The following CHADL variants were observed in gnomAD, a reference collection of about 807,000 sequenced individuals.
CHADL encodes chondroadherin-like protein.
Under a neutral mutation model 52.1 loss-of-function variants are expected in CHADL, and 48 were observed. The observed-to-expected ratio is 0.92, with a 90% CI of 0.73 to 1.17. The LOEUF (loss-of-function observed/expected upper bound fraction) is 1.17. Ranked by LOEUF, CHADL falls within the 50% of genes most tolerant of loss-of-function variation. The probability of loss-of-function intolerance (pLI) is 0.00; values close to 1 mark genes in which losing one functional copy is unlikely to be tolerated. For missense variants in CHADL, 977 were observed against 1,035.1 expected, an observed-to-expected ratio of 0.94 and a Z score of 0.77; for synonymous variants, 498 against 511.2, an observed-to-expected ratio of 0.97 and a Z score of 0.35.
intron 5 of CHADL, among the ~76,000 whole-genome samples, chr22:41,232,319 G>A (rs549341343): frequency 4.1e-5 from 6 of 146,824 alleles, no homozygotes; most frequent in South Asian, 2.1e-4. Flanking sequence ...GCAACAGAGC[G>A]AGACTCTGTC....
In CHADL at chr22:41,237,200, G is replaced by A. The variant is rs1326978697; in HGVS notation, c.1872C>T (p.Phe624=). 1.9e-6 allele frequency: 3 copies of A among 1,546,132 alleles called. No homozygotes were observed. The highest frequency in any genetic ancestry group is 2.0e-5 in the Admixed American group (1 of 50,852). Residue 624 remains phenylalanine (F), a synonymous_variant, in exon 3 of 6, where the codon TTC becomes TTT. Transcript: ENST00000216241. The part of the protein sequence containing the change: ...QPVGRSLQHL[F]LNSSGLEQIC... The stretch of plus-strand genomic sequence containing the variant: ...CCTGCTCCAGGCCACTGCTGTTCAG[G>A]AAGAGGTGCTGCAGCGACCTGCCCA...
rs2032793186 is a variant in CHADL, at chr22:41,238,404, C to G, written c.668G>C (p.Gly223Ala). 6.6e-7 allele frequency: 1 copy of G among 1,514,384 alleles called. No individual in the cohort carries two copies. Among genetic ancestry groups the G allele is most frequent in the Admixed American group, 2.1e-5 (1 of 47,628 alleles). The allele number at this position is 1,514,384 out of a possible 1,614,324, so 93.8% of individuals were successfully genotyped here. ...LHHNELQALP[G>A]PVLSQARGLA... ...GCCGCGGGCCTGGGACAAGACAGGC[C>G]CGGGCAGAGCCTGGAGCTCGTTGTG... Residue 223 changes from glycine to alanine, a missense_variant, in exon 3 of 6, where the codon GGG becomes GCG. Gly to Ala is a moderately conservative substitution (Grantham distance 60, BLOSUM62 0). Coordinates refer to ENST00000216241, the MANE Select transcript of CHADL (RefSeq NM_138481.2). This position sits in a 1 kb window ranked among gnomAD's most constrained non-coding sequence, Gnocchi z 4.9.
In CHADL at chr22:41,237,541, G is replaced by A. The variant is rs1294644186; in HGVS notation, c.1531C>T (p.Gln511Ter). 6.4e-7 allele frequency: 1 copy of A among 1,550,390 alleles called. No homozygotes were observed. The highest frequency in any genetic ancestry group is 8.7e-7 in the Non-Finnish European group (1 of 1,146,926). Residue 511 changes from glutamine (Q) to a stop codon, truncating the protein, a stop_gained, in exon 3 of 6, where the codon CAG (glutamine) becomes TAG (stop). Coordinates refer to ENST00000216241, the MANE Select transcript of CHADL (RefSeq NM_138481.2). LOFTEE classifies it high-confidence loss of function. ...GCGCGCAGGGCAGCCCCTGGCACCT[G>A]CAGGAAACGGTTGCGTTCTAGGTAC... ...YLYLERNRFL[Q>*]VPGAALRALP... is the part of the protein sequence containing the mutation.
At chr22:41,232,282 A>G (rs1048473112) in intron 5 of CHADL, among the ~76,000 whole-genome samples, 2 of 151,260 alleles carry the variant, frequency 1.3e-5, no homozygotes, top group Non-Finnish European at 2.9e-5. Flanking sequence ...CAATGAGCCG[A>G]GATTGCACCA....
intron 1 of CHADL, 85 bp downstream of exon 1, chr22:41,240,789 G>T: frequency 6.7e-7 from 1 of 1,495,846 alleles, no homozygotes; most frequent in Non-Finnish European, 9.1e-7. Context: ...GCCAGCCTCT[G>T]AGAGGCCCAG....
At position 41,238,197 on chromosome 22, in the gene CHADL, G is replaced by A; in HGVS notation, c.875C>T (p.Thr292Ile). ...TLDLRGNQLDTLPPLQGPGQL... is the reference protein window; with the variant it reads ...TLDLRGNQLDILPPLQGPGQL... ...GCCCGGGCCCTGCAGCGGGGGCAGGGTGTCTAGCTGGTTCCCGCGGAGGTC... is the reference window on the plus strand; with the variant it reads ...GCCCGGGCCCTGCAGCGGGGGCAGGATGTCTAGCTGGTTCCCGCGGAGGTC... Residue 292 changes from threonine to isoleucine, a missense_variant, in exon 3 of 6, where the codon ACC becomes ATC. Thr to Ile is a moderately conservative substitution (Grantham distance 89). Coordinates refer to ENST00000216241, the MANE Select transcript of CHADL (RefSeq NM_138481.2). This position sits in a 1 kb window ranked among gnomAD's most constrained non-coding sequence, Gnocchi z 4.9. 6.6e-7 allele frequency: 1 copy of A among 1,519,420 alleles called. No individual in the cohort carries two copies. Among genetic ancestry groups the A allele is most frequent in the Admixed American group, 2.0e-5 (1 of 50,000 alleles). The allele number at this position is 1,519,420 out of a possible 1,614,324, so 94.1% of individuals were successfully genotyped here.
In CHADL at chr22:41,234,056, T is replaced by A. The variant is rs529741347; in HGVS notation, c.2262+1089A>T. ...ATGGTGAATGTACTATCAAGTGGGG[T>A]CCAACCTATGGCTAGTAGGTGGTGG... is the stretch of plus-strand genomic sequence containing the variant. On this transcript the variant is annotated intron_variant, in intron 5 of 5. Coordinates refer to ENST00000216241, the MANE Select transcript of CHADL (RefSeq NM_138481.2). Among the ~76,000 whole-genome samples, 7 of 152,098 alleles carry A rather than the reference T, an allele frequency of 4.6e-5. No homozygotes were observed. In the South Asian group the frequency reaches 1.5e-3, roughly 32 times the overall value.
In CHADL at chr22:41,229,735, G is replaced by T. The variant is rs767399964; in HGVS notation, c.2263-5C>A. On this transcript the variant is annotated splice_region_variant and splice_polypyrimidine_tract_variant and intron_variant, in intron 5 of 5. Coordinates refer to ENST00000216241, the MANE Select transcript of CHADL (RefSeq NM_138481.2). ...ACGACCCTTCTCCTTCCCCACCTGG[G>T]CACAGAAGAGTAGAGTCAGGTTTCT... 1 of 1,609,886 alleles carries T rather than the reference G, an allele frequency of 6.2e-7. No homozygotes were observed. Among genetic ancestry groups the T allele is most frequent in the Non-Finnish European group, 8.5e-7 (1 of 1,178,806 alleles).
At chr22:41,229,863 C>A in intron 5 of CHADL, 133 bp from the exon 6 acceptor site, 1 of 849,604 alleles carries the variant, frequency 1.2e-6, no homozygotes, top group Non-Finnish European at 1.9e-6. Context: ...TCTAGCCCGG[C>A]CCCGGCCCCT....
At chr22:41,230,093 CAGAGTTATTT>C in intron 5 of CHADL, 1 of 965,792 alleles carries the variant, frequency 1.0e-6, no homozygotes. Context: ...CCACCCCTCC[CAGAGTTATTT>C]ACTCGCCCAC....
At chr22:41,230,728 G>C (rs1469033440) in intron 5 of CHADL, 1 of 154,704 alleles carries the variant, frequency 6.5e-6, no homozygotes, top group Non-Finnish European at 1.4e-5. Context: ...TTGTGTGGTG[G>C]GGGCAGCCTC....
Position 41,238,855 on chromosome 22 carries a change from A to G in CHADL, c.217T>C (p.Leu73=), listed in dbSNP as rs1245424709. The change falls in exon 3 of 6, where the codon TTG becomes CTG. Residue 73 remains leucine (L), a synonymous_variant. Coordinates refer to ENST00000216241, the MANE Select transcript of CHADL (RefSeq NM_138481.2). The surrounding 1 kb of genome is among the most constrained non-coding windows in gnomAD (Gnocchi z 4.9). ...LTQRLDLQGN[L]LKVIPAAAFQ... is the part of the protein sequence containing the mutation. ...GCGGCTGCGGGGATCACCTTCAGCA[A>G]ATTGCCCTGCAGGTCCAGCCGCTGG... The G allele has an allele frequency of 6.5e-7, 1 of 1,542,658 alleles. No homozygotes were observed. Among genetic ancestry groups the G allele is most frequent in the Non-Finnish European group, 8.8e-7 (1 of 1,141,104 alleles).
At chr22:41,231,578 C>T (rs142141634) in intron 5 of CHADL, among the ~76,000 whole-genome samples, 5 of 152,376 alleles carry the variant, frequency 3.3e-5, no homozygotes, top group East Asian at 1.9e-4. Flanking sequence ...CGCATGACCA[C>T]GTGTTGCTGG....
chr22:41,239,494 G>A lies in CHADL; in HGVS notation c.135C>T (p.His45=), dbSNP rs914582426. ...QACICDNSRR[H]VACRYQNLTE... Reference sequence around the variant, plus strand: ...TGAGGTTCTGGTACCGGCAGGCAACGTGTCGCCTGGAGTTGTCACAGATGC... The same window carrying A: ...TGAGGTTCTGGTACCGGCAGGCAACATGTCGCCTGGAGTTGTCACAGATGC... The change falls in exon 2 of 6, where the codon CAC becomes CAT. Residue 45 remains histidine (H), a synonymous_variant. Transcript: ENST00000216241. 57 of 1,550,480 alleles carry A rather than the reference G, an allele frequency of 3.7e-5. No individual in the cohort carries two copies. The highest frequency in any genetic ancestry group is 7.9e-5 in the Admixed American group (4 of 50,918).
intron 4 of CHADL, among the ~76,000 whole-genome samples, chr22:41,235,804 CAG>C (rs1379783203): frequency 3.3e-5 from 5 of 152,158 alleles, no homozygotes; most frequent in African/African-American, 1.2e-4. Flanking sequence ...ACGCGGCTTG[CAG>C]AGTTAGTTGG....
chr22:41,240,890 G>GA lies in CHADL; in HGVS notation c.-10dup. ...AAGACTCACCCCTCCATGCCGCCTGGAACTGCTGGTCCAGCCTGGAGGCGC... is the reference window on the plus strand; with the variant it reads ...AAGACTCACCCCTCCATGCCGCCTGGAAACTGCTGGTCCAGCCTGGAGGCGC... On this transcript the variant is annotated 5_prime_UTR_variant, in exon 1 of 6. Transcript: ENST00000216241. The GA allele has an allele frequency of 6.5e-7, 1 of 1,549,910 alleles. No homozygotes were observed. The highest frequency in any genetic ancestry group is 8.7e-7 in the Non-Finnish European group (1 of 1,146,710).
chr22:41,233,984 TGA>T (rs1283918945), intron 5 of CHADL, among the ~76,000 whole-genome samples: 3 of 152,168 alleles, frequency 2.0e-5, no homozygotes, highest in African/African-American at 7.2e-5. Flanking sequence ...TGATATGCTG[TGA>T]GTTTGCTACA....
chr22:41,230,516 G>C (rs1329803107), intron 5 of CHADL: 1 of 461,726 alleles, frequency 2.2e-6, no homozygotes, highest in Non-Finnish European at 3.9e-6. Context: ...TCCAGCCAGA[G>C]TTCCCAAAGC....
chr22:41,237,834 C>G lies in CHADL; in HGVS notation c.1238G>C (p.Gly413Ala). Residue 413 changes from glycine (G) to alanine (A), a missense_variant, in exon 3 of 6, where the codon GGC becomes GCC. Gly to Ala is a moderately conservative substitution (Grantham distance 60). Coordinates refer to ENST00000216241, the MANE Select transcript of CHADL (RefSeq NM_138481.2). ...VPESRHSSCEGCGLQAVPRGF... is the reference protein window; with the variant it reads ...VPESRHSSCEACGLQAVPRGF... ...GCGGGGCACCGCCTGCAGGCCGCAGCCCTCGCAGCTGCTGTGCCGGGACTC... is the reference window on the plus strand; with the variant it reads ...GCGGGGCACCGCCTGCAGGCCGCAGGCCTCGCAGCTGCTGTGCCGGGACTC... The G allele has an allele frequency of 6.8e-7, 1 of 1,469,060 alleles. No individual in the cohort carries two copies. The highest frequency in any genetic ancestry group is 9.0e-7 in the Non-Finnish European group (1 of 1,112,816). 91.0% of individuals were successfully genotyped at this position (1,469,060 alleles called of 1,614,324 possible).
Sources: allele counts gnomAD v4.1 joint callset (sites outside exome capture counted in the v4.1 genomes callset), GRCh38; gene constraint gnomAD v4.1.1; non-coding constraint Gnocchi (gnomAD v3.1); transcripts MANE v1.5; gene names NCBI Gene and HGNC (gene_info 2026-07-23, HGNC 2026-07-21).